Variants in PSD3 observed in about 807,000 individuals in gnomAD.
PSD3 encodes pleckstrin and Sec7 domain containing 3, also known as PH and SEC7 domain-containing protein 3.
PSD3 carries 49 observed loss-of-function variants against 105.5 expected under a neutral mutation model. That is an observed-to-expected ratio of 0.46 (90% CI 0.37 to 0.59). The LOEUF (loss-of-function observed/expected upper bound fraction) is 0.59, where lower values mean the gene tolerates loss of function less well. Among genes scored for constraint, PSD3 ranks in the 20% least tolerant of loss-of-function variants. The pLI is 0.00. For synonymous variants in PSD3, 557 were observed against 457.8 expected (o/e 1.22, Z -2.77); for missense variants, 1,561 against 1,263.8 (o/e 1.24, Z -3.57).
intron 4 of PSD3, among the ~76,000 whole-genome samples, chr8:18,842,665 G>A (rs1016978266): frequency 1.3e-5 from 2 of 151,958 alleles, no homozygotes; most frequent in African/African-American, 4.8e-5. Context: ...CCCGGGATGC[G>A]GAGTTTGCAG....
chr8:18,706,638 G>T (rs1188501753), intron 9 of PSD3, among the ~76,000 whole-genome samples: 1 of 152,208 alleles, frequency 6.6e-6, no homozygotes, highest in African/African-American at 2.4e-5. Flanking sequence ...CATCCAGCTG[G>T]CAATCACCTA....
chr8:18,684,241 CA>C (rs1416597478), intron 9 of PSD3: 23 of 219,898 alleles, frequency 1.0e-4, no homozygotes, highest in Middle Eastern at 1.5e-3. Context: ...CACACACACA[CA>C]CACACACACC....
chr8:18,775,298 A>G (rs1383073995), intron 8 of PSD3, among the ~76,000 whole-genome samples: 1 of 152,206 alleles, frequency 6.6e-6, no homozygotes, highest in Non-Finnish European at 1.5e-5. Flanking sequence ...ATCTTGGCTA[A>G]CGTGAATAGT....
At chr8:18,728,680 G>T (rs1803507743) in intron 9 of PSD3, among the ~76,000 whole-genome samples, 1 of 152,218 alleles carries the variant, frequency 6.6e-6, no homozygotes, top group African/African-American at 2.4e-5. Flanking sequence ...GAGTTACGCT[G>T]CGTGAGCTAA....
chr8:18,956,499 T>C (rs1303231636), intron 1 of PSD3, among the ~76,000 whole-genome samples: 2 of 152,180 alleles, frequency 1.3e-5, no homozygotes, highest in Non-Finnish European at 2.9e-5. Context: ...CTCAAGAGTT[T>C]AGAGTATATT....
intron 1 of PSD3, among the ~76,000 whole-genome samples, chr8:19,044,193 A>G (rs1367338000): frequency 6.6e-6 from 1 of 152,050 alleles, no homozygotes; most frequent in African/African-American, 2.4e-5. Flanking sequence ...AATATTTATC[A>G]CTTTCATTGA....
chr8:18,565,408 G>A (rs1801675484), intron 14 of PSD3, among the ~76,000 whole-genome samples: 1 of 152,102 alleles, frequency 6.6e-6, no homozygotes, highest in Non-Finnish European at 1.5e-5. Context: ...AAACAAAGAA[G>A]GCGACTCCTC....
intron 11 of PSD3, among the ~76,000 whole-genome samples, chr8:18,608,339 G>C (rs1443870924): frequency 6.6e-6 from 1 of 152,238 alleles, no homozygotes; most frequent in African/African-American, 2.4e-5. Flanking sequence ...CACAGTCTCT[G>C]AGTATCAGCT....
At chr8:18,784,135 T>G (rs575138691) in intron 8 of PSD3, among the ~76,000 whole-genome samples, 1 of 152,300 alleles carries the variant, frequency 6.6e-6, no homozygotes, top group South Asian at 2.1e-4. Context: ...TCATGTACAC[T>G]TTAAAGATTA....
At chr8:18,546,040 G>A (rs376302732) in intron 15 of PSD3, among the ~76,000 whole-genome samples, 3 of 151,972 alleles carry the variant, frequency 2.0e-5, no homozygotes, top group African/African-American at 4.8e-5. Flanking sequence ...TCACTCTGTC[G>A]CCCAGGCTAT....
At chr8:18,759,078 T>TCACACACACA (rs199628183) in intron 9 of PSD3, among the ~76,000 whole-genome samples, 1 of 148,552 alleles carries the variant, frequency 6.7e-6, no homozygotes, top group African/African-American at 2.5e-5. Flanking sequence ...AACCCATTCT[T>TCACACACACA]CACACACACA....
chr8:18,985,959 G>C (rs774429853), intron 1 of PSD3, among the ~76,000 whole-genome samples: 17 of 151,630 alleles, frequency 1.1e-4, no homozygotes, highest in Admixed American at 4.6e-4. Flanking sequence ...ACCTCACTTT[G>C]TTACTCAAAG....
intron 9 of PSD3, among the ~76,000 whole-genome samples, chr8:18,764,586 G>A (rs770635641): frequency 6.6e-6 from 1 of 152,028 alleles, no homozygotes; most frequent in East Asian, 1.9e-4. Context: ...TCTATTCTAT[G>A]TAGCTTAAAG....
In PSD3 at chr8:18,659,768, T is replaced by C. The variant is rs972127671; in HGVS notation, c.2173-4083A>G. 3.9e-5 allele frequency among the ~76,000 whole-genome samples: 6 copies of C among 152,222 alleles called. No homozygotes were observed. In the East Asian group the frequency reaches 5.8e-4, roughly 15 times the overall value. On this transcript the variant is annotated intron_variant, in intron 9 of 15. Coordinates refer to ENST00000327040, the MANE Select transcript of PSD3 (RefSeq NM_015310.4). ...TGATGGGCTGGCTGCACTGATCCTA[T>C]ACTCTTAGTCCATTTAGGACCAAAG...
chr8:18,617,819 ACT>A (rs1805806886), intron 11 of PSD3, among the ~76,000 whole-genome samples: 1 of 152,082 alleles, frequency 6.6e-6, no homozygotes, highest in Non-Finnish European at 1.5e-5. Context: ...TTTCAACCTG[ACT>A]CTAATATAGC....
intron 6 of PSD3, among the ~76,000 whole-genome samples, chr8:18,804,177 C>T (rs1335690319): frequency 6.6e-6 from 1 of 152,078 alleles, no homozygotes; most frequent in Admixed American, 6.6e-5. Context: ...TTAAACGTCC[C>T]AAACCCAAAA....
chr8:18,924,480 C>T (rs1821236895), intron 2 of PSD3: 2 of 152,084 alleles, frequency 1.3e-5, no homozygotes, highest in African/African-American at 4.8e-5. Context: ...AATTATAAAC[C>T]AACTTCTATC....
At chr8:18,658,374 G>T (rs765026738) in intron 9 of PSD3, among the ~76,000 whole-genome samples, 3 of 152,088 alleles carry the variant, frequency 2.0e-5, no homozygotes, top group Non-Finnish European at 4.4e-5. Context: ...GAATTCCCTT[G>T]ATTCTTCTTT....
chr8:18,905,549 T>G (rs1819788175), intron 2 of PSD3, among the ~76,000 whole-genome samples: 1 of 152,218 alleles, frequency 6.6e-6, no homozygotes, highest in Non-Finnish European at 1.5e-5. Context: ...CTCGAACTCC[T>G]GACCTCAGGT....
Sources: gnomAD v4.1 joint callset for allele counts (sites outside exome capture counted in the v4.1 genomes callset) on GRCh38, gnomAD v4.1.1 for gene constraint, MANE v1.5 for transcripts, NCBI Gene and HGNC (gene_info 2026-07-23, HGNC 2026-07-21) for gene names.